The following ACTN2 variants were observed in gnomAD, a reference collection of about 807,000 sequenced individuals.
ACTN2 encodes the protein actinin alpha 2.
ACTN2 carries 39 observed loss-of-function variants against 113.8 expected under a neutral mutation model. The observed-to-expected ratio is 0.34, with a 90% CI of 0.27 to 0.45. The LOEUF is 0.45. Ranked by LOEUF, ACTN2 falls within the 20% of genes least tolerant of loss-of-function variation. The pLI is 1.00. For synonymous variants in ACTN2, 429 were observed against 444.1 expected, an observed-to-expected ratio of 0.97 and a Z score of 0.43; for missense variants, 992 against 1,177.9, an observed-to-expected ratio of 0.84 and a Z score of 2.31.
At chr1:236,703,008 C>T (rs976735411) in intron 1 of ACTN2, among the ~76,000 whole-genome samples, 4 of 152,048 alleles carry the variant, frequency 2.6e-5, no homozygotes, top group Admixed American at 6.6e-5. Flanking sequence ...CCCCAGTTGC[C>T]GGATGGGTTG....
rs185199250 is a variant in ACTN2 at position 236,737,270 on chromosome 1, C to T, written c.876+56C>T. The T allele has an allele frequency of 2.0e-4, 204 of 1,026,702 alleles. 1 individual carries two copies. The African/African-American group carries it at 3.3e-3, about 17-fold the overall frequency. The allele number at this position is 1,026,702 out of a possible 1,614,324, so 63.6% of individuals were successfully genotyped here. On this transcript the variant is annotated intron_variant, in intron 9 of 20. Transcript: ENST00000366578. ...CCATCCTCACGCAGGGGCTGAGGCA[C>T]AGAGGGTGAAAAAATACTCCGTGGG...
intron 14 of ACTN2, 82 bp from the exon 15 acceptor site, chr1:236,751,388 T>C: frequency 6.6e-7 from 1 of 1,513,520 alleles, no homozygotes; most frequent in South Asian, 1.2e-5. Flanking sequence ...AGGCATTTAC[T>C]TGTGTGCGGA....
intron 1 of ACTN2, among the ~76,000 whole-genome samples, chr1:236,709,225 T>TATATATAC (rs1657926145): frequency 2.4e-5 from 1 of 40,836 alleles, no homozygotes; most frequent in African/African-American, 8.4e-5. Context: ...TGACTGTATA[T>TATATATAC]ATATATATAT....
At chr1:236,715,726 C>T (rs1197617276) in intron 1 of ACTN2, among the ~76,000 whole-genome samples, 2 of 152,120 alleles carry the variant, frequency 1.3e-5, no homozygotes, top group Non-Finnish European at 2.9e-5. Flanking sequence ...GAGGCCGAGG[C>T]AGATGGATCA....
chr1:236,744,572 A>G (rs191269888), intron 11 of ACTN2, 54 bp from the exon 12 acceptor site: 2 of 1,603,492 alleles, frequency 1.2e-6, no homozygotes, highest in Admixed American at 3.4e-5. Flanking sequence ...GGCTGGCATG[A>G]GGAAGCCGCT....
intron 1 of ACTN2, among the ~76,000 whole-genome samples, chr1:236,715,896 C>G (rs570169877): frequency 6.6e-6 from 1 of 152,104 alleles, no homozygotes; most frequent in Non-Finnish European, 1.5e-5. Flanking sequence ...GCGGAGATTG[C>G]GGTGAGCTGA....
At chr1:236,725,267 A>C (rs994550093) in intron 4 of ACTN2, among the ~76,000 whole-genome samples, 1 of 152,208 alleles carries the variant, frequency 6.6e-6, no homozygotes, top group Non-Finnish European at 1.5e-5. Flanking sequence ...TTGGACACTT[A>C]GTCTCTGGTC....
chr1:236,725,583 C>T (rs1658523563), intron 4 of ACTN2, among the ~76,000 whole-genome samples: 1 of 152,030 alleles, frequency 6.6e-6, no homozygotes, highest in South Asian at 2.1e-4. Context: ...GCCAAGATCC[C>T]ACCACTGCAC....
chr1:236,702,945 T>C lies in ACTN2; in HGVS notation c.127-14913T>C, dbSNP rs373455214. Among the ~76,000 whole-genome samples, 11 of 152,336 alleles carry C rather than the reference T, an allele frequency of 7.2e-5. No homozygotes were observed. In the East Asian group the frequency reaches 2.1e-3, roughly 29 times the overall value. ...GTCCCTGAAAATAGTAGCAGTATGG[T>C]GAACTTAAATTAAAGAATATTTATT... On this transcript the variant is annotated intron_variant, in intron 1 of 20. Coordinates refer to ENST00000366578, the MANE Select transcript of ACTN2 (RefSeq NM_001103.4).
At chr1:236,762,338 A>G (rs1248983682) in intron 20 of ACTN2, 123 bp from the exon 21 acceptor site, 11 of 1,307,996 alleles carry the variant, frequency 8.4e-6, no homozygotes, top group Non-Finnish European at 1.1e-5. Flanking sequence ...CTATGCCAAT[A>G]GACTCCCTAT....
In ACTN2 at chr1:236,749,156, G is replaced by A; in HGVS notation, c.1548G>A (p.Gln516=). ...AGAAATTGCTAGAAACCATTGATCA[G>A]CTTCACCTGGAGTTTGCCAAGAGGG... ...RMEKLLETID[Q]LHLEFAKRAA... The change falls in exon 14 of 21, where the codon CAG becomes CAA. Residue 516 remains glutamine (Q), a synonymous_variant. Transcript: ENST00000366578. 1.2e-6 allele frequency: 2 copies of A among 1,614,152 alleles called. No homozygotes were observed. The highest frequency in any genetic ancestry group is 1.7e-6 in the Non-Finnish European group (2 of 1,180,026).
chr1:236,740,782 C>T (rs192891023), intron 10 of ACTN2, among the ~76,000 whole-genome samples: 5 of 152,264 alleles, frequency 3.3e-5, no homozygotes, highest in Non-Finnish European at 7.4e-5. Context: ...CCACCCACCT[C>T]GGCCTCCCAA....
chr1:236,697,120 G>A (rs1337063855), intron 1 of ACTN2, among the ~76,000 whole-genome samples: 2 of 152,120 alleles, frequency 1.3e-5, no homozygotes, highest in Non-Finnish European at 2.9e-5. Flanking sequence ...AAAAATGTGG[G>A]ATTTGAAGCC....
Position 236,758,596 on chromosome 1 carries a change from TTTTTG to T in ACTN2, c.2301+992_2301+996del, listed in dbSNP as rs71178352. On this transcript the variant is annotated intron_variant, in intron 18 of 20. Coordinates refer to ENST00000366578, the MANE Select transcript of ACTN2 (RefSeq NM_001103.4). ...GAGCCACCGCACCTGGCCTTTTTTC[TTTTTG>T]TTTTGTTTTGTTTTGTTTTGTTTTG... 1.8e-3 allele frequency among the ~76,000 whole-genome samples: 268 copies of T among 146,346 alleles called. 1 individual carries two copies. Among genetic ancestry groups the T allele is most frequent in the East Asian group, 8.8e-3 (43 of 4,882 alleles).
intron 1 of ACTN2, among the ~76,000 whole-genome samples, chr1:236,687,007 G>A (rs539262826): frequency 6.6e-6 from 1 of 151,924 alleles, no homozygotes; most frequent in South Asian, 2.1e-4. Flanking sequence ...GTGTGTGCGC[G>A]CGCGCTAGCA....
chr1:236,710,808 A>C (rs2102882867), intron 1 of ACTN2, among the ~76,000 whole-genome samples: 1 of 152,332 alleles, frequency 6.6e-6, no homozygotes, highest in African/African-American at 2.4e-5. Context: ...TGTGTGCCAG[A>C]AATCTACATT....
chr1:236,694,524 G>T (rs142069033), intron 1 of ACTN2, among the ~76,000 whole-genome samples: 1 of 151,982 alleles, frequency 6.6e-6, no homozygotes, highest in African/African-American at 2.4e-5. Flanking sequence ...CGCCTGGCCC[G>T]CACTGACATT....
Position 236,739,466 on chromosome 1 carries a change from G to C in ACTN2, c.1041G>C (p.Thr347=). ...EKCQLEINFN[T]LQTKLRISNR... is the part of the protein sequence containing the mutation. ...GCCAGCTGGAGATCAACTTCAACACGCTGCAGACCAAGCTGCGGATCAGCA... is the reference window on the plus strand; with the variant it reads ...GCCAGCTGGAGATCAACTTCAACACCCTGCAGACCAAGCTGCGGATCAGCA... The change falls in exon 10 of 21, where the codon ACG becomes ACC. Residue 347 remains threonine, a synonymous_variant. Transcript: ENST00000366578. The C allele has an allele frequency of 6.2e-7, 1 of 1,614,108 alleles. No homozygotes were observed. Among genetic ancestry groups the C allele is most frequent in the Non-Finnish European group, 8.5e-7 (1 of 1,180,024 alleles).
At chr1:236,710,634 G>A (rs758943850) in intron 1 of ACTN2, among the ~76,000 whole-genome samples, 1 of 152,172 alleles carries the variant, frequency 6.6e-6, no homozygotes, top group Non-Finnish European at 1.5e-5. Context: ...ACTGGTACTG[G>A]TCCGTGACCT....
Sources: allele counts gnomAD v4.1 joint callset (sites outside exome capture counted in the v4.1 genomes callset), GRCh38; gene constraint gnomAD v4.1.1; transcripts MANE v1.5; gene names NCBI Gene and HGNC (gene_info 2026-07-23, HGNC 2026-07-21).